Variants in CHST11 observed in about 807,000 individuals in gnomAD.
CHST11 encodes carbohydrate sulfotransferase 11, also known as C4S-1.
A neutral mutation model predicts 30.4 loss-of-function variants in CHST11; 9 were observed. The ratio of observed to expected loss-of-function variants is 0.30; its 90% CI spans 0.18 to 0.52. CHST11 has a LOEUF of 0.52. CHST11 is among the 20% of genes least tolerant of loss of function. The pLI, the probability that CHST11 is intolerant of heterozygous loss-of-function variation, is 0.97. For synonymous variants in CHST11, 152 were observed against 187.8 expected (o/e 0.81, Z 1.56); for missense variants, 348 against 460.6 (o/e 0.76, Z 2.24).
intron 2 of CHST11, among the ~76,000 whole-genome samples, chr12:104,627,237 C>T (rs901265461): frequency 6.6e-6 from 1 of 152,120 alleles, no homozygotes; most frequent in African/African-American, 2.4e-5. Context: ...TATCCAGTCA[C>T]CTACTGCAGG....
intron 1 of CHST11, among the ~76,000 whole-genome samples, chr12:104,470,817 C>A (rs932995686): frequency 1.2e-4 from 18 of 152,206 alleles, no homozygotes; most frequent in African/African-American, 4.3e-4. Flanking sequence ...GTCTAACTGA[C>A]AGCAAACACT....
rs2039742082 is a variant in CHST11, at chr12:104,676,269, T to C, written c.204+74278T>C. Among the ~76,000 whole-genome samples, 1 of 152,222 alleles carries C rather than the reference T, an allele frequency of 6.6e-6. No individual in the cohort carries two copies. The highest frequency in any genetic ancestry group is 6.5e-5 in the Admixed American group (1 of 15,282). On this transcript the variant is annotated intron_variant, in intron 2 of 2. Coordinates refer to ENST00000303694, the MANE Select transcript of CHST11 (RefSeq NM_018413.6). This position sits in a 1 kb window ranked among gnomAD's most constrained non-coding sequence, Gnocchi z 4.4. ...GTCTCCTGGGGCAAGAATCAAGGTGTCCGCAGAAATGAGTTCCTTCCAGAG... is the reference window on the plus strand; with the variant it reads ...GTCTCCTGGGGCAAGAATCAAGGTGCCCGCAGAAATGAGTTCCTTCCAGAG...
Position 104,729,002 on chromosome 12 carries a change from G to C in CHST11, c.205-27947G>C, listed in dbSNP as rs564840888. Among the ~76,000 whole-genome samples, 2 of 152,286 alleles carry C rather than the reference G, an allele frequency of 1.3e-5. No homozygotes were observed. Among genetic ancestry groups the C allele is most frequent in the East Asian group, 3.9e-4 (2 of 5,186 alleles). ...ATTAAAACATACCCCAAAAAGCTGG[G>C]AAAACATCAAAACAGGGATAATAAT... is the stretch of plus-strand genomic sequence containing the variant. On this transcript the variant is annotated intron_variant, in intron 2 of 2. Transcript: ENST00000303694. This position sits in a 1 kb window ranked among gnomAD's most constrained non-coding sequence, Gnocchi z 4.0.
chr12:104,554,154 A>G (rs1225234494), intron 1 of CHST11, among the ~76,000 whole-genome samples: 2 of 152,186 alleles, frequency 1.3e-5, no homozygotes, highest in East Asian at 1.9e-4. Context: ...CCTTTGCTGT[A>G]TTCTATTATT....
chr12:104,563,771 C>T (rs537845941), intron 1 of CHST11, among the ~76,000 whole-genome samples: 1 of 148,712 alleles, frequency 6.7e-6, no homozygotes, highest in African/African-American at 2.5e-5. Flanking sequence ...TGGATGTTTG[C>T]TCTTGGTGGT....
chr12:104,643,192 G>A (rs1054717000), intron 2 of CHST11, among the ~76,000 whole-genome samples: 12 of 152,136 alleles, frequency 7.9e-5, no homozygotes, highest in Admixed American at 2.6e-4. Flanking sequence ...TGGGCATGAC[G>A]GCACATGCCT....
intron 2 of CHST11, among the ~76,000 whole-genome samples, chr12:104,703,149 C>T (rs1180784057): frequency 6.6e-6 from 1 of 152,230 alleles, no homozygotes; most frequent in Non-Finnish European, 1.5e-5. Flanking sequence ...CCTGCTGCAT[C>T]CCCTGCACCT....
chr12:104,554,791 A>G (rs1010446617), intron 1 of CHST11, among the ~76,000 whole-genome samples: 2 of 152,256 alleles, frequency 1.3e-5, no homozygotes, highest in Non-Finnish European at 1.5e-5. Context: ...TCAGAGAGCC[A>G]TCTTATGCTG....
chr12:104,591,537 C>T (rs1460990623), intron 1 of CHST11: 3 of 152,776 alleles, frequency 2.0e-5, no homozygotes, highest in African/African-American at 7.3e-5. Flanking sequence ...TGATGGTGAA[C>T]ATTGTGGGAG....
At chr12:104,618,834 T>C (rs998300852) in intron 2 of CHST11, among the ~76,000 whole-genome samples, 2 of 152,224 alleles carry the variant, frequency 1.3e-5, no homozygotes, top group Admixed American at 1.3e-4. Flanking sequence ...AGTCCAGCTC[T>C]GGAGCTTGTT....
chr12:104,462,487 C>T (rs1400329242), intron 1 of CHST11, among the ~76,000 whole-genome samples: 3 of 152,062 alleles, frequency 2.0e-5, no homozygotes, highest in Non-Finnish European at 2.9e-5. Context: ...CATGTGTCTC[C>T]ACCTCCCACC....
intron 1 of CHST11, among the ~76,000 whole-genome samples, chr12:104,570,321 T>TC (rs1237108200): frequency 6.6e-6 from 1 of 152,130 alleles, no homozygotes; most frequent in African/African-American, 2.4e-5. Flanking sequence ...TTCGCAAGCC[T>TC]CCCCCTCCCA....
intron 2 of CHST11, among the ~76,000 whole-genome samples, chr12:104,605,038 G>A (rs201171672): frequency 1.2e-5 from 1 of 82,866 alleles, no homozygotes; most frequent in Non-Finnish European, 3.3e-5. Context: ...GTAATAAACA[G>A]AGTGAAATTC....
rs574718064 is a variant in CHST11 at position 104,528,638 on chromosome 12, G to A, written c.118+71109G>A. 8.4e-4 allele frequency among the ~76,000 whole-genome samples: 128 copies of A among 152,308 alleles called. 2 individuals are homozygous for A. Among genetic ancestry groups the A allele is most frequent in the Non-Finnish European group, 1.1e-3 (77 of 68,024 alleles). On this transcript the variant is annotated intron_variant, in intron 1 of 2. Transcript: ENST00000303694. ...GAGGAGTTTTCCAAGATGTTGTCAG[G>A]TTATAAGAAGAGCTAGTGAGTGCAC...
At chr12:104,634,924 G>T (rs1190746294) in intron 2 of CHST11, among the ~76,000 whole-genome samples, 2 of 152,106 alleles carry the variant, frequency 1.3e-5, no homozygotes, top group Non-Finnish European at 2.9e-5. Context: ...CATTTGTTGA[G>T]TCATTCATCA....
chr12:104,481,624 A>G (rs1183398950), intron 1 of CHST11, among the ~76,000 whole-genome samples: 1 of 152,090 alleles, frequency 6.6e-6, no homozygotes, highest in African/African-American at 2.4e-5. Context: ...AGATATGGCA[A>G]AGATTGGCTA....
intron 1 of CHST11, among the ~76,000 whole-genome samples, chr12:104,560,800 C>A (rs2038505918): frequency 6.6e-6 from 1 of 152,186 alleles, no homozygotes; most frequent in Non-Finnish European, 1.5e-5. Context: ...AGACTGTGAG[C>A]TCCTTGAGTA....
chr12:104,622,712 G>A (rs2039171750), intron 2 of CHST11, among the ~76,000 whole-genome samples: 2 of 152,316 alleles, frequency 1.3e-5, no homozygotes, highest in African/African-American at 4.8e-5. Flanking sequence ...ACCTCACTGT[G>A]CCTCAGTTTC....
intron 1 of CHST11, among the ~76,000 whole-genome samples, chr12:104,483,331 G>A (rs1047870366): frequency 6.6e-6 from 1 of 152,052 alleles, no homozygotes; most frequent in Non-Finnish European, 1.5e-5. Context: ...TCAGCCTCTC[G>A]AGTAGCTGGG....
Sources: gnomAD v4.1 joint callset for allele counts (sites outside exome capture counted in the v4.1 genomes callset) on GRCh38, gnomAD v4.1.1 for gene constraint, Gnocchi (gnomAD v3.1) non-coding constraint, MANE v1.5 for transcripts, NCBI Gene and HGNC (gene_info 2026-07-23, HGNC 2026-07-21) for gene names.